FNDC3B: variants seen among roughly 807,000 people sequenced by gnomAD.
The protein encoded by FNDC3B is fibronectin type III domain containing 3B.
Under a neutral mutation model 151.5 loss-of-function variants are expected in FNDC3B, and 12 were observed. The observed-to-expected ratio is 0.08, with a 90% confidence interval of 0.05 to 0.13. The LOEUF is 0.13. Among genes scored for constraint, FNDC3B ranks in the 10% least tolerant of loss-of-function variants. FNDC3B has a pLI of 1.00. For synonymous variants in FNDC3B, 528 were observed against 549.0 expected (o/e 0.96, Z 0.54); for missense variants, 1,214 against 1,505.3 (o/e 0.81, Z 3.20).
In FNDC3B at chr3:172,376,742, A is replaced by G. The variant is rs566960031; in HGVS notation, c.3009-1528A>G. Reference sequence around the variant, plus strand: ...CACTTCCTTACACAGCAAAGCAGACAGAACACTAAATAGGTGAAATGACCA... The same window carrying G: ...CACTTCCTTACACAGCAAAGCAGACGGAACACTAAATAGGTGAAATGACCA... On this transcript the variant is annotated intron_variant, in intron 23 of 25. Coordinates refer to ENST00000415807, the MANE Select transcript of FNDC3B (RefSeq NM_022763.4). 3.3e-5 allele frequency among the ~76,000 whole-genome samples: 5 copies of G among 152,256 alleles called. No homozygotes were observed. The South Asian group carries it at 1.0e-3, about 32-fold the overall frequency.
rs1482223830 is a variant in FNDC3B at position 172,039,789 on chromosome 3, C to G, written c.-29+18C>G. The G allele has an allele frequency of 6.5e-6, 1 of 153,336 alleles. No homozygotes were observed. Among genetic ancestry groups the G allele is most frequent in the Non-Finnish European group, 1.5e-5 (1 of 68,388 alleles). 9.5% of individuals were successfully genotyped at this position (153,336 alleles called of 1,614,324 possible). A position where few individuals can be genotyped will look rare whatever the true frequency, so the allele number is the denominator to read the frequency against. The stretch of plus-strand genomic sequence containing the variant: ...TAGGGAAGGTAAGGCGTGCAAGAGC[C>G]GGGGACTAGAGGAGACCGGGACCCC... On this transcript the variant is annotated intron_variant, in intron 1 of 25. Transcript: ENST00000415807.
intron 6 of FNDC3B, among the ~76,000 whole-genome samples, chr3:172,278,778 T>C (rs573036172): frequency 1.3e-5 from 2 of 152,154 alleles, no homozygotes; most frequent in East Asian, 3.9e-4. Flanking sequence ...AATACAAAAA[T>C]TAGCCAGGCA....
intron 3 of FNDC3B, among the ~76,000 whole-genome samples, chr3:172,147,183 G>A (rs1369349427): frequency 2.0e-5 from 3 of 152,034 alleles, no homozygotes; most frequent in South Asian, 4.1e-4. Flanking sequence ...GTGCATGCCT[G>A]TAATCCCAGC....
chr3:172,349,706 A>C (rs1733768061), intron 21 of FNDC3B, among the ~76,000 whole-genome samples: 2 of 151,724 alleles, frequency 1.3e-5, no homozygotes, highest in African/African-American at 4.8e-5. Flanking sequence ...CCCAGGCTGG[A>C]GTGCAGTGGC....
At chr3:172,225,507 T>TA in intron 3 of FNDC3B, 1 of 215,948 alleles carries the variant, frequency 4.6e-6, no homozygotes, top group Non-Finnish European at 9.6e-6. Flanking sequence ...TGGCTGGCCA[T>TA]AAAAACTCCA....
At chr3:172,104,923 A>G (rs533741163) in intron 1 of FNDC3B, among the ~76,000 whole-genome samples, 1 of 152,282 alleles carries the variant, frequency 6.6e-6, no homozygotes, top group African/African-American at 2.4e-5. Flanking sequence ...AATGACAACT[A>G]TTTTCAGAGT....
chr3:172,312,743 A>T (rs1355530580), intron 11 of FNDC3B, among the ~76,000 whole-genome samples: 1 of 152,080 alleles, frequency 6.6e-6, no homozygotes, highest in African/African-American at 2.4e-5. Context: ...AAGGCCAAAA[A>T]AGTTGAATAC....
intron 3 of FNDC3B, among the ~76,000 whole-genome samples, chr3:172,138,285 G>C (rs1191494491): frequency 6.6e-6 from 1 of 152,194 alleles, no homozygotes. Flanking sequence ...ACAGGAAACA[G>C]TGTATCTTCA....
intron 22 of FNDC3B, among the ~76,000 whole-genome samples, chr3:172,358,401 G>T (rs1307026143): frequency 6.6e-6 from 1 of 152,246 alleles, no homozygotes; most frequent in East Asian, 1.9e-4. Flanking sequence ...TTCTCAATGT[G>T]TGTAGTGATG....
At chr3:172,327,895 C>A (rs769975642) in intron 11 of FNDC3B, among the ~76,000 whole-genome samples, 4 of 152,238 alleles carry the variant, frequency 2.6e-5, no homozygotes, top group Non-Finnish European at 5.9e-5. Flanking sequence ...TTGAGAACTT[C>A]AGACACATTG....
chr3:172,289,026 A>G (rs1576877011), intron 7 of FNDC3B, among the ~76,000 whole-genome samples: 1 of 152,198 alleles, frequency 6.6e-6, no homozygotes, highest in East Asian at 1.9e-4. Context: ...TGCTGTAATG[A>G]TTTACCACAA....
At chr3:172,259,445 A>G (rs758852631) in intron 6 of FNDC3B, among the ~76,000 whole-genome samples, 10 of 152,158 alleles carry the variant, frequency 6.6e-5, no homozygotes, top group Non-Finnish European at 1.0e-4. Flanking sequence ...GCAACTGTCT[A>G]TGTGTGGGAT....
intron 12 of FNDC3B, 147 bp downstream of exon 12, chr3:172,329,223 GAGA>G (rs1732512949): frequency 1.1e-6 from 1 of 923,634 alleles, no homozygotes; most frequent in Non-Finnish European, 1.6e-6. Flanking sequence ...AATCAGAGGA[GAGA>G]AGGCCTCCTT....
chr3:172,322,447 C>T (rs1039240206), intron 11 of FNDC3B, among the ~76,000 whole-genome samples: 1 of 152,142 alleles, frequency 6.6e-6, no homozygotes, highest in Non-Finnish European at 1.5e-5. Context: ...CAAGACCACC[C>T]GCATTCAAGG....
intron 22 of FNDC3B, among the ~76,000 whole-genome samples, chr3:172,358,354 T>A (rs7642490): frequency 0.43 from 65,731 of 152,156 alleles, 14,809 homozygotes; most frequent in East Asian, 0.75. Context: ...GTAATAGTAG[T>A]TCCCACTCTG....
At chr3:172,251,634 A>C in intron 6 of FNDC3B, 93 bp downstream of exon 6, 6 of 1,255,370 alleles carry the variant, frequency 4.8e-6, no homozygotes, top group Non-Finnish European at 6.5e-6. Flanking sequence ...ATATTATTTC[A>C]TGGTGGTTGG....
intron 1 of FNDC3B, among the ~76,000 whole-genome samples, chr3:172,094,924 G>A (rs1719023378): frequency 1.3e-5 from 2 of 151,768 alleles, no homozygotes; most frequent in Non-Finnish European, 2.9e-5. Context: ...AGAGTAAATG[G>A]GTCCTGTACT....
intron 11 of FNDC3B, among the ~76,000 whole-genome samples, chr3:172,326,667 A>G (rs909129465): frequency 1.3e-5 from 2 of 152,026 alleles, no homozygotes; most frequent in African/African-American, 4.8e-5. Flanking sequence ...CCCTTCTCCT[A>G]ATTCTTTAGT....
intron 9 of FNDC3B, 150 bp downstream of exon 9, chr3:172,298,937 A>G: frequency 2.0e-6 from 1 of 500,288 alleles, no homozygotes. Context: ...GACTCTCAAG[A>G]GCATCGTAAC....
Sources: allele counts gnomAD v4.1 joint callset (sites outside exome capture counted in the v4.1 genomes callset), GRCh38; gene constraint gnomAD v4.1.1; transcripts MANE v1.5; gene names NCBI Gene and HGNC (gene_info 2026-07-23, HGNC 2026-07-21).